UNC5C: variants seen among roughly 807,000 people sequenced by gnomAD.
The protein encoded by UNC5C is unc-5 netrin receptor C, also known as netrin receptor UNC5C.
In UNC5C, 47 loss-of-function variants were observed where a neutral mutation model predicts 99.8. The observed-to-expected ratio is 0.47, with a 90% CI of 0.37 to 0.60. The LOEUF (loss-of-function observed/expected upper bound fraction) is 0.60. Ranked by LOEUF, UNC5C falls within the 20% of genes least tolerant of loss-of-function variation. The pLI, the probability that UNC5C is intolerant of heterozygous loss-of-function variation, is 0.00. For synonymous variants in UNC5C, 487 were observed against 452.2 expected, an observed-to-expected ratio of 1.08 and a Z score of -0.98; for missense variants, 1,062 against 1,165.9, an observed-to-expected ratio of 0.91 and a Z score of 1.30.
chr4:95,358,492 G>C (rs184455064), intron 1 of UNC5C, among the ~76,000 whole-genome samples: 1 of 152,276 alleles, frequency 6.6e-6, no homozygotes, highest in Admixed American at 6.5e-5. Flanking sequence ...GCAATGAACA[G>C]TGCTGGTTAA....
chr4:95,541,052 C>T (rs1434670221), intron 1 of UNC5C, among the ~76,000 whole-genome samples: 1 of 152,000 alleles, frequency 6.6e-6, no homozygotes, highest in East Asian at 1.9e-4. Flanking sequence ...AATTTGAATA[C>T]AAGTAACAAA....
rs1190638294 is a variant in UNC5C, at chr4:95,242,505, G to A, written c.1032C>T (p.Ala344=). Reference sequence around the variant, plus strand: ...CGCAGTCCTTGCCTCCATTCTTGGGGGCTGGCGCCGTGCACTCCCTCCTGC... The same window carrying A: ...CGCAGTCCTTGCCTCCATTCTTGGGAGCTGGCGCCGTGCACTCCCTCCTGC... ...HWRRRECTAP[A]PKNGGKDCDG... Residue 344 remains alanine, a synonymous_variant, in exon 7 of 16, where the codon GCC becomes GCT. Transcript: ENST00000453304. 6 of 1,613,578 alleles carry A rather than the reference G, an allele frequency of 3.7e-6. No individual in the cohort carries two copies. Among genetic ancestry groups the A allele is most frequent in the Non-Finnish European group, 5.1e-6 (6 of 1,179,862 alleles).
chr4:95,276,783 A>G (rs1740876849), intron 4 of UNC5C, among the ~76,000 whole-genome samples: 1 of 152,182 alleles, frequency 6.6e-6, no homozygotes, highest in Non-Finnish European at 1.5e-5. Context: ...TGAAATAGCT[A>G]CTATCAAGCA....
At chr4:95,382,603 G>A (rs536246966) in intron 1 of UNC5C, among the ~76,000 whole-genome samples, 6 of 152,074 alleles carry the variant, frequency 3.9e-5, no homozygotes, top group African/African-American at 1.2e-4. Flanking sequence ...GAGAAAACTG[G>A]CACTCAAAAG....
intron 12 of UNC5C, among the ~76,000 whole-genome samples, chr4:95,202,389 A>G (rs1218048124): frequency 6.6e-6 from 1 of 152,234 alleles, no homozygotes; most frequent in Non-Finnish European, 1.5e-5. Flanking sequence ...AGTGTGAGCA[A>G]TTATGCCAAT....
Position 95,510,896 on chromosome 4 carries a change from C to T in UNC5C, c.124+37838G>A, listed in dbSNP as rs138753915. 5.5e-3 allele frequency among the ~76,000 whole-genome samples: 835 copies of T among 152,178 alleles called. 10 individuals are homozygous for T. Among genetic ancestry groups the T allele is most frequent in the African/African-American group, 0.019 (795 of 41,526 alleles). ...CTTTTACTGGGCAGAACAGGATCCA[C>T]ATATGAAGAAAAAAGTGGTTGAGTT... On this transcript the variant is annotated intron_variant, in intron 1 of 15. Coordinates refer to ENST00000453304, the MANE Select transcript of UNC5C (RefSeq NM_003728.4).
intron 2 of UNC5C, among the ~76,000 whole-genome samples, chr4:95,320,521 T>C (rs1442573657): frequency 6.6e-6 from 1 of 151,048 alleles, no homozygotes; most frequent in African/African-American, 2.4e-5. Flanking sequence ...AAAAGTACAA[T>C]ATGGCTTTTA....
chr4:95,200,131 C>T (rs1454113448), intron 12 of UNC5C, among the ~76,000 whole-genome samples: 6 of 152,196 alleles, frequency 3.9e-5, no homozygotes, highest in Admixed American at 3.3e-4. Context: ...ACAGTCTTTT[C>T]CCCTGGAGCC....
At chr4:95,317,849 G>A (rs1432763956) in intron 2 of UNC5C, among the ~76,000 whole-genome samples, 2 of 152,016 alleles carry the variant, frequency 1.3e-5, no homozygotes, top group South Asian at 2.1e-4. Flanking sequence ...ACTCCTACTC[G>A]GTCTCTCCAC....
chr4:95,206,834 C>T, intron 10 of UNC5C, 38 bp from the exon 11 acceptor site: 1 of 1,495,890 alleles, frequency 6.7e-7, no homozygotes. Context: ...GTGACATTTC[C>T]ATTGTATTCA....
intron 1 of UNC5C, among the ~76,000 whole-genome samples, chr4:95,491,640 A>G (rs1046435800): frequency 3.3e-5 from 5 of 151,756 alleles, no homozygotes; most frequent in South Asian, 4.1e-4. Context: ...ACCACATCAG[A>G]TAGTTCCAGA....
chr4:95,330,311 G>A (rs1743061791), intron 2 of UNC5C, among the ~76,000 whole-genome samples: 1 of 151,758 alleles, frequency 6.6e-6, no homozygotes, highest in Non-Finnish European at 1.5e-5. Context: ...ATAAAATGAT[G>A]GTGACATTAC....
chr4:95,378,867 G>A (rs1218396577), intron 1 of UNC5C, among the ~76,000 whole-genome samples: 3 of 152,112 alleles, frequency 2.0e-5, no homozygotes, highest in Non-Finnish European at 4.4e-5. Context: ...TTTGTGAAAT[G>A]TGTCTAGAAA....
intron 1 of UNC5C, among the ~76,000 whole-genome samples, chr4:95,520,296 AC>A (rs1423383346): frequency 3.9e-5 from 6 of 152,200 alleles, no homozygotes; most frequent in Admixed American, 3.3e-4. Flanking sequence ...AGGATTATCT[AC>A]CGTAAGATTC....
chr4:95,200,204 G>A (rs1240194409), intron 12 of UNC5C, among the ~76,000 whole-genome samples: 3 of 152,310 alleles, frequency 2.0e-5, no homozygotes, highest in East Asian at 1.9e-4. Flanking sequence ...CTCTCTGAAC[G>A]GAAGCTCCAG....
chr4:95,317,529 A>C (rs1742522820), intron 2 of UNC5C, among the ~76,000 whole-genome samples: 1 of 152,178 alleles, frequency 6.6e-6, no homozygotes, highest in South Asian at 2.1e-4. Context: ...CTTTGGCAAC[A>C]ATGTGGAGAA....
At chr4:95,276,718 G>A (rs184134381) in intron 4 of UNC5C, among the ~76,000 whole-genome samples, 9 of 152,146 alleles carry the variant, frequency 5.9e-5, no homozygotes, top group South Asian at 4.1e-4. Flanking sequence ...CTTCCTAGTC[G>A]TATTAAATCA....
chr4:95,177,429 C>T (rs1736412307), intron 14 of UNC5C, among the ~76,000 whole-genome samples: 1 of 152,124 alleles, frequency 6.6e-6, no homozygotes, highest in South Asian at 2.1e-4. Flanking sequence ...TGCTGCCCTG[C>T]ACCGCTTCAG....
intron 1 of UNC5C, among the ~76,000 whole-genome samples, chr4:95,388,073 A>T (rs1444988743): frequency 6.6e-6 from 1 of 152,214 alleles, no homozygotes; most frequent in Non-Finnish European, 1.5e-5. Flanking sequence ...AACATTAAAC[A>T]TGCCACATTA....
Sources: allele counts gnomAD v4.1 joint callset (sites outside exome capture counted in the v4.1 genomes callset), GRCh38; gene constraint gnomAD v4.1.1; transcripts MANE v1.5; gene names NCBI Gene and HGNC (gene_info 2026-07-23, HGNC 2026-07-21).